The following ABI3BP variants were observed in gnomAD, a reference collection of about 807,000 sequenced individuals.
ABI3BP encodes the protein ABI family member 3 binding protein, also known as target of Nesh-SH3.
ABI3BP carries 216 observed loss-of-function variants against 268.6 expected under a neutral mutation model. That is an observed-to-expected ratio of 0.80 (90% CI 0.72 to 0.90). The LOEUF (loss-of-function observed/expected upper bound fraction) is 0.90. ABI3BP is among the 40% of genes least tolerant of loss of function. The probability of loss-of-function intolerance (pLI) is 0.00; values close to 1 mark genes in which losing one functional copy is unlikely to be tolerated. For missense variants in ABI3BP, 2,090 were observed against 2,182.4 expected (o/e 0.96, Z 0.84); for synonymous variants, 730 against 730.0 (o/e 1.00, Z 0.00).
rs1351234972 is a variant in ABI3BP at position 100,750,514 on chromosome 3, G to A, written c.5342C>T (p.Thr1781Ile). 1 of 1,612,264 alleles carries A rather than the reference G, an allele frequency of 6.2e-7. No homozygotes were observed. The highest frequency in any genetic ancestry group is 8.5e-7 in the Non-Finnish European group (1 of 1,178,932). The change falls in exon 68 of 68, where the codon ACA (threonine) becomes ATA (isoleucine). Residue 1781 changes from threonine to isoleucine, a missense_variant. Coordinates refer to ENST00000471714, the MANE Select transcript of ABI3BP (RefSeq NM_001375547.2). ...NYVQWYECGT[T>I]IPGKW ...CAGCATCTACCATTTTCCAGGAATT[G>A]TAGTCCCACATTCATACCACTGAAC...
At chr3:100,752,267 T>C (rs2095374553) in intron 66 of ABI3BP, among the ~76,000 whole-genome samples, 1 of 152,352 alleles carries the variant, frequency 6.6e-6, no homozygotes. Flanking sequence ...TCTTTTATGC[T>C]GCTTTGTGTT....
chr3:100,908,129 A>G (rs935607891), intron 2 of ABI3BP, among the ~76,000 whole-genome samples: 7 of 151,736 alleles, frequency 4.6e-5, no homozygotes, highest in Non-Finnish European at 1.0e-4. Flanking sequence ...AAAAAAAAAA[A>G]GAAAAAAGAA....
At chr3:100,790,077 G>A (rs1481645046) in intron 55 of ABI3BP, among the ~76,000 whole-genome samples, 1 of 152,006 alleles carries the variant, frequency 6.6e-6, no homozygotes. Context: ...AGAAATGACA[G>A]AAAATGACAT....
Position 100,778,273 on chromosome 3 carries a change from G to T in ABI3BP, c.4333+11C>A. 1 of 1,611,904 alleles carries T rather than the reference G, an allele frequency of 6.2e-7. No individual in the cohort carries two copies. The highest frequency in any genetic ancestry group is 8.5e-7 in the Non-Finnish European group (1 of 1,178,466). ...TCATGGCGGGAAAAGGAAGGTACAT[G>T]ACTAACGTACCTGCACTTCCTGGCT... On this transcript the variant is annotated intron_variant, in intron 59 of 67. Transcript: ENST00000471714.
At chr3:100,907,706 A>G (rs182337077) in intron 2 of ABI3BP, among the ~76,000 whole-genome samples, 1 of 152,304 alleles carries the variant, frequency 6.6e-6, no homozygotes, top group East Asian at 1.9e-4. Flanking sequence ...CTCATTCATA[A>G]ATATCGATGC....
At position 100,840,109 on chromosome 3, in the gene ABI3BP, T is replaced by G; in HGVS notation, c.1860A>C (p.Lys620Asn). Residue 620 changes from lysine to asparagine, a missense_variant, in exon 23 of 68, where the codon AAA becomes AAC. Physicochemically the swap from Lys to Asn is moderately conservative, Grantham distance 94. Coordinates refer to ENST00000471714, the MANE Select transcript of ABI3BP (RefSeq NM_001375547.2). ...TGGGCACTTCTGGACTAGGTGTGGT[T>G]TTAGGGCGGGGACGGGGGCGGGGGC... The part of the protein sequence containing the change: ...GRRPRPRPRP[K>N]TTPSPEVPKS... 6.7e-7 allele frequency: 1 copy of G among 1,501,458 alleles called. No individual in the cohort carries two copies. Among genetic ancestry groups the G allele is most frequent in the Non-Finnish European group, 8.9e-7 (1 of 1,127,000 alleles). 93.0% of individuals were successfully genotyped at this position (1,501,458 alleles called of 1,614,324 possible).
chr3:100,819,478 C>A (rs1235955775), intron 40 of ABI3BP, among the ~76,000 whole-genome samples: 2 of 152,072 alleles, frequency 1.3e-5, no homozygotes, highest in African/African-American at 4.8e-5. Context: ...AGGTTTTGAT[C>A]TTGACTATAC....
intron 51 of ABI3BP, among the ~76,000 whole-genome samples, chr3:100,804,234 C>G (rs1278505981): frequency 1.3e-5 from 2 of 152,104 alleles, no homozygotes; most frequent in Non-Finnish European, 2.9e-5. Flanking sequence ...GAACAAAAGG[C>G]CTTCTCAGAT....
chr3:100,768,858 C>T (rs2096436199), intron 62 of ABI3BP, among the ~76,000 whole-genome samples: 1 of 152,146 alleles, frequency 6.6e-6, no homozygotes, highest in Non-Finnish European at 1.5e-5. Flanking sequence ...CTTGAAGTTG[C>T]CCAAGGATCC....
chr3:100,985,429 A>G lies in ABI3BP; in HGVS notation c.79+7877T>C, dbSNP rs527791430. ...CTCCCAAAGTGCTGGGATTACAGGCATGAGCCACCATGCCTGGCCAGAAAA... is the reference window on the plus strand; with the variant it reads ...CTCCCAAAGTGCTGGGATTACAGGCGTGAGCCACCATGCCTGGCCAGAAAA... On this transcript the variant is annotated intron_variant, in intron 1 of 67. Coordinates refer to ENST00000471714, the MANE Select transcript of ABI3BP (RefSeq NM_001375547.2). Among the ~76,000 whole-genome samples, 382 of 152,238 alleles carry G rather than the reference A, an allele frequency of 2.5e-3. 3 individuals carry two copies. Among genetic ancestry groups the G allele is most frequent in the African/African-American group, 7.6e-3 (314 of 41,554 alleles).
At chr3:100,966,752 T>G (rs1043339592) in intron 1 of ABI3BP, among the ~76,000 whole-genome samples, 1 of 152,206 alleles carries the variant, frequency 6.6e-6, no homozygotes, top group Non-Finnish European at 1.5e-5. Flanking sequence ...AATGTCCTTC[T>G]TCTTCTTCTA....
intron 51 of ABI3BP, among the ~76,000 whole-genome samples, chr3:100,800,559 C>T (rs1354363224): frequency 6.6e-6 from 1 of 151,208 alleles, no homozygotes; most frequent in Admixed American, 6.6e-5. Flanking sequence ...CTGCAAGCTC[C>T]GCCTCCCTGG....
intron 35 of ABI3BP, 83 bp downstream of exon 35, chr3:100,825,702 G>A: frequency 9.4e-7 from 1 of 1,069,132 alleles, no homozygotes. Flanking sequence ...GACATGCCAT[G>A]TTATAGGGAT....
intron 2 of ABI3BP, among the ~76,000 whole-genome samples, chr3:100,905,932 A>AT (rs547487723): frequency 5.7e-4 from 87 of 151,982 alleles, no homozygotes; most frequent in Non-Finnish European, 8.8e-4. Flanking sequence ...CTTCAACAAC[A>AT]TTTTTTTTCC....
intron 4 of ABI3BP, among the ~76,000 whole-genome samples, chr3:100,889,349 A>C (rs971416710): frequency 5.3e-5 from 8 of 152,182 alleles, no homozygotes; most frequent in African/African-American, 1.9e-4. Flanking sequence ...TGCCTTTTGT[A>C]CTGCACTGGA....
intron 36 of ABI3BP, 88 bp downstream of exon 36, chr3:100,824,770 C>A (rs1319185239): frequency 9.1e-7 from 1 of 1,102,916 alleles, no homozygotes; most frequent in East Asian, 2.6e-5. Context: ...AGAATAAGAC[C>A]TGTTGCTGCT....
chr3:100,863,971 T>A (rs1204962333), intron 12 of ABI3BP, 31 bp downstream of exon 12: 1 of 1,409,872 alleles, frequency 7.1e-7, no homozygotes, highest in East Asian at 2.5e-5. Flanking sequence ...TCCAAGGTAA[T>A]AATAAAGCTG....
intron 56 of ABI3BP, among the ~76,000 whole-genome samples, chr3:100,788,941 G>A (rs1232691552): frequency 6.6e-6 from 1 of 152,076 alleles, no homozygotes; most frequent in Non-Finnish European, 1.5e-5. Flanking sequence ...AAGCTCCAAT[G>A]AGGGTAATCC....
chr3:100,862,902 T>G lies in ABI3BP; in HGVS notation c.1146A>C (p.Lys382Asn). The G allele has an allele frequency of 1.3e-6, 2 of 1,535,504 alleles. No homozygotes were observed. The highest frequency in any genetic ancestry group is 1.7e-6 in the Non-Finnish European group (2 of 1,146,512). Residue 382 changes from lysine (K) to asparagine (N), a missense_variant, in exon 13 of 68, where the codon AAA becomes AAC. Physicochemically the swap from Lys to Asn is moderately conservative, Grantham distance 94 (BLOSUM62 0). Coordinates refer to ENST00000471714, the MANE Select transcript of ABI3BP (RefSeq NM_001375547.2). ...TTGCCTCAGGAAATTCTGGAAGGCTTTTTGGAGCTGTAATGAAACACATAA... is the reference window on the plus strand; with the variant it reads ...TTGCCTCAGGAAATTCTGGAAGGCTGTTTGGAGCTGTAATGAAACACATAA... ...FELPLSTLAPKSLPEFPEAKT... is the reference protein window; with the variant it reads ...FELPLSTLAPNSLPEFPEAKT...
Sources: allele counts gnomAD v4.1 joint callset (sites outside exome capture counted in the v4.1 genomes callset), GRCh38; gene constraint gnomAD v4.1.1; transcripts MANE v1.5; gene names NCBI Gene and HGNC (gene_info 2026-07-23, HGNC 2026-07-21).